Variants in TCF20 observed in about 807,000 individuals in gnomAD.
TCF20 encodes SPRE-binding protein.
A neutral mutation model predicts 148.6 loss-of-function variants in TCF20; 3 were observed. The ratio of observed to expected loss-of-function variants is 0.02; its 90% confidence interval spans 0.01 to 0.05. The LOEUF is 0.05. Among genes scored for constraint, TCF20 ranks in the 10% least tolerant of loss-of-function variants. The pLI, the probability that TCF20 is intolerant of heterozygous loss-of-function variation, is 1.00. For synonymous variants in TCF20, 1,049 were observed against 909.5 expected, an observed-to-expected ratio of 1.15 and a Z score of -2.76; for missense variants, 2,350 against 2,429.3, an observed-to-expected ratio of 0.97 and a Z score of 0.69.
rs936490130 is a variant in TCF20 at position 42,292,446 on chromosome 22, C to T, written c.-37+51033G>A. Among the ~76,000 whole-genome samples the T allele has an allele frequency of 2.6e-5, 4 of 152,108 alleles. No individual in the cohort carries two copies. Among genetic ancestry groups the T allele is most frequent in the African/African-American group, 4.8e-5 (2 of 41,416 alleles). On this transcript the variant is annotated intron_variant, in intron 1 of 1. Coordinates refer to the TCF20 transcript ENST00000515426. This position sits in a 1 kb window ranked among gnomAD's most constrained non-coding sequence, Gnocchi z 4.9. ...GGACTCACTTGACAGATGAGGAATC[C>T]GAGGCAGAGCTGGGACTCAGCTAGG... is the stretch of plus-strand genomic sequence containing the variant.
intron 1 of TCF20, among the ~76,000 whole-genome samples, chr22:42,228,765 C>T (rs555909365): frequency 6.6e-6 from 1 of 152,214 alleles, no homozygotes; most frequent in African/African-American, 2.4e-5. Flanking sequence ...GTCATTAGCA[C>T]AGAGGTAGTA....
At position 42,214,947 on chromosome 22, in the gene TCF20, G is replaced by T. The variant is rs1458673481; in HGVS notation, c.359C>A (p.Pro120His). The T allele has an allele frequency of 2.5e-6, 4 of 1,614,226 alleles. No individual in the cohort carries two copies. The highest frequency in any genetic ancestry group is 3.4e-6 in the Non-Finnish European group (4 of 1,180,038). The change falls in exon 2 of 6, where the codon CCC (proline) becomes CAC (histidine). Residue 120 changes from proline (P) to histidine (H), a missense_variant. Pro to His is a moderately conservative substitution (Grantham distance 77). Around this residue, in one of 7 missense-constraint regions of TCF20, gnomAD observed 1,641 missense variants for 1,662.6 expected, o/e 0.99. Coordinates refer to ENST00000677622, the MANE Select transcript of TCF20 (RefSeq NM_001378418.1). ...RPSGPVQSYG[P>H]PQGSSFGNQY... is the part of the protein sequence containing the mutation. ...ATTGCCAAAGCTGCTCCCCTGGGGG[G>T]GTCCATAGCTCTGCACAGGCCCAGA...
At chr22:42,285,472 G>A (rs1035053200), upstream of TCF20, among the ~76,000 whole-genome samples, 17 of 151,942 alleles carry the variant, frequency 1.1e-4, no homozygotes, top group Non-Finnish European at 1.8e-4. This position sits in a 1 kb window ranked among gnomAD's most constrained non-coding sequence, Gnocchi z 4.2. Flanking sequence ...CAAGGGCTGC[G>A]TCTGCATTTA....
At chr22:42,274,432 TGG>T (rs1390765202), upstream of TCF20, 2 of 152,230 alleles carry the variant, frequency 1.3e-5, no homozygotes, top group African/African-American at 4.8e-5. Flanking sequence ...CAGTTCTTTC[TGG>T]GGCAAGGTCA....
At chr22:42,247,300 C>T (rs985222895) in intron 1 of TCF20, among the ~76,000 whole-genome samples, 13 of 151,664 alleles carry the variant, frequency 8.6e-5, no homozygotes, top group African/African-American at 2.9e-4. Context: ...ATTTGCTTGG[C>T]GTGGTGGCAG....
At chr22:42,228,875 T>A (rs1210130229) in intron 1 of TCF20, among the ~76,000 whole-genome samples, 2 of 151,636 alleles carry the variant, frequency 1.3e-5, no homozygotes, top group Non-Finnish European at 2.9e-5. Flanking sequence ...TAAAAAAAAA[T>A]GAAATAGAGC....
intron 1 of TCF20, among the ~76,000 whole-genome samples, chr22:42,308,664 C>G (rs1927478151): frequency 6.6e-6 from 1 of 152,148 alleles, no homozygotes; most frequent in African/African-American, 2.4e-5. Flanking sequence ...GAGCCTCCCC[C>G]ATGGCCAGAA....
At chr22:42,307,930 C>T (rs964686436) in intron 1 of TCF20, among the ~76,000 whole-genome samples, 1 of 152,236 alleles carries the variant, frequency 6.6e-6, no homozygotes, top group Non-Finnish European at 1.5e-5. Context: ...TGCTATCTCC[C>T]AGCTCCACAG....
Position 42,176,667 on chromosome 22 carries a change from TGCCTGGGTGATG to T in TCF20, c.5749+2930_5749+2941del, listed in dbSNP as rs558905270. On this transcript the variant is annotated intron_variant, in intron 3 of 5. Coordinates refer to ENST00000677622, the MANE Select transcript of TCF20 (RefSeq NM_001378418.1). ...ACGTGACCACAGGCATTATGGGGGCTGCCTGGGTGATGGTCTTAGATACATCTAATGCTCAAG... is the reference window on the plus strand; with the variant it reads ...ACGTGACCACAGGCATTATGGGGGCTGTCTTAGATACATCTAATGCTCAAG... 1.5e-4 allele frequency among the ~76,000 whole-genome samples: 23 copies of T among 152,352 alleles called. 1 individual carries two copies. In the South Asian group the frequency reaches 4.1e-3, roughly 27 times the overall value.
intron 2 of TCF20, among the ~76,000 whole-genome samples, chr22:42,192,433 C>T (rs1202103254): frequency 6.6e-6 from 1 of 152,080 alleles, no homozygotes; most frequent in African/African-American, 2.4e-5. Flanking sequence ...GCCATCTCAC[C>T]AACGCTCTCG....
intron 1 of TCF20, among the ~76,000 whole-genome samples, chr22:42,228,169 A>G (rs1358098616): frequency 6.6e-6 from 1 of 152,214 alleles, no homozygotes; most frequent in Non-Finnish European, 1.5e-5. Flanking sequence ...GGGCAAGGAC[A>G]GAGCAGGGAA....
intron 1 of TCF20, among the ~76,000 whole-genome samples, chr22:42,264,821 A>G (rs867626318): frequency 2.4e-4 from 36 of 152,344 alleles, no homozygotes; most frequent in African/African-American, 8.4e-4. Flanking sequence ...TCCCATACTT[A>G]GAATGCCTGT....
intron 1 of TCF20, 151 bp from the exon 2 acceptor site, chr22:42,215,492 CAAGA>C: frequency 9.7e-7 from 1 of 1,032,406 alleles, no homozygotes; most frequent in Non-Finnish European, 1.3e-6. Flanking sequence ...TTTTTTGAGA[CAAGA>C]GTCTCACTCT....
chr22:42,301,687 G>T (rs974640634), intron 1 of TCF20, among the ~76,000 whole-genome samples: 1 of 152,248 alleles, frequency 6.6e-6, no homozygotes, highest in Non-Finnish European at 1.5e-5. Flanking sequence ...GGGAGGGAAG[G>T]TGGGAAGCAA....
upstream of TCF20, among the ~76,000 whole-genome samples, chr22:42,286,375 T>C (rs1927031450): frequency 6.6e-6 from 1 of 152,132 alleles, no homozygotes; most frequent in Non-Finnish European, 1.5e-5. Context: ...TCAGGCTGTC[T>C]GGTTTTAAAT....
intron 1 of TCF20, among the ~76,000 whole-genome samples, chr22:42,335,304 C>T (rs1928047307): frequency 1.3e-5 from 2 of 152,174 alleles, no homozygotes; most frequent in South Asian, 4.1e-4. Context: ...ATCAGCACCC[C>T]CTGCACCTCC....
intron 1 of TCF20, among the ~76,000 whole-genome samples, chr22:42,326,211 G>A (rs1927872508): frequency 6.6e-6 from 1 of 152,112 alleles, no homozygotes; most frequent in African/African-American, 2.4e-5. Context: ...AACCAAGCGG[G>A]ACCACCCCTG....
chr22:42,262,712 G>T (rs1357511917), intron 1 of TCF20, among the ~76,000 whole-genome samples: 1 of 152,052 alleles, frequency 6.6e-6, no homozygotes, highest in Non-Finnish European at 1.5e-5. Flanking sequence ...ACCAGAGGTG[G>T]GAAGAGACAC....
Position 42,212,624 on chromosome 22 carries a change from A to T in TCF20, c.2682T>A (p.Ile894=). Residue 894 remains isoleucine (I), a synonymous_variant, in exon 2 of 6, where the codon ATT becomes ATA. Transcript: ENST00000677622. ...TTGGATTGAGACGGTCATTCCTCCC[A>T]ATTCTGGTGTCGGCACTCATGTGTC... ...SLGHMSADTR[I]GRNDRLNPTL... The T allele has an allele frequency of 1.2e-6, 2 of 1,614,172 alleles. 1 individual carries two copies. The highest frequency in any genetic ancestry group is 2.2e-5 in the South Asian group (2 of 91,082).
Sources: gnomAD v4.1 joint callset for allele counts (sites outside exome capture counted in the v4.1 genomes callset) on GRCh38, gnomAD v4.1.1 for gene constraint, gnomAD v4.1.1 regional missense constraint, Gnocchi (gnomAD v3.1) non-coding constraint, MANE v1.5 for transcripts, NCBI Gene and HGNC (gene_info 2026-07-23, HGNC 2026-07-21) for gene names.